ZNF407: variants seen among roughly 807,000 people sequenced by gnomAD.
ZNF407 encodes the protein zinc finger protein 407.
Under a neutral mutation model 131.2 loss-of-function variants are expected in ZNF407, and 17 were observed. The ratio of observed to expected loss-of-function variants is 0.13; its 90% CI spans 0.09 to 0.19. ZNF407 has a LOEUF of 0.19. Among genes scored for constraint, ZNF407 ranks in the 10% least tolerant of loss-of-function variants. ZNF407 has a pLI of 1.00. For synonymous variants in ZNF407, 1,156 were observed against 1,062.0 expected (o/e 1.09, Z -1.72); for missense variants, 2,681 against 2,830.6 (o/e 0.95, Z 1.20).
intron 8 of ZNF407, among the ~76,000 whole-genome samples, chr18:75,026,353 T>G (rs1973171125): frequency 6.6e-6 from 1 of 152,226 alleles, no homozygotes; most frequent in Non-Finnish European, 1.5e-5. Context: ...CAAAATCTTC[T>G]GAGTCATGGA....
chr18:74,781,030 G>T (rs1469768102), intron 3 of ZNF407, among the ~76,000 whole-genome samples: 3 of 151,892 alleles, frequency 2.0e-5, no homozygotes, highest in African/African-American at 7.3e-5. Context: ...CTCTTTTACG[G>T]TCCTTTAAAT....
At chr18:74,959,281 C>CTATTTAATTT (rs1427646993) in intron 8 of ZNF407, among the ~76,000 whole-genome samples, 2 of 152,062 alleles carry the variant, frequency 1.3e-5, no homozygotes, top group Non-Finnish European at 2.9e-5. Flanking sequence ...TAAATTAGAC[C>CTATTTAATTT]ATCATCATCA....
At chr18:74,719,561 G>A (rs1312591282) in intron 3 of ZNF407, among the ~76,000 whole-genome samples, 3 of 152,078 alleles carry the variant, frequency 2.0e-5, no homozygotes, top group Admixed American at 6.6e-5. Context: ...CACCACGCCC[G>A]GCTAATTTTT....
chr18:74,902,915 C>T (rs1035723198), intron 7 of ZNF407, among the ~76,000 whole-genome samples: 5 of 152,196 alleles, frequency 3.3e-5, no homozygotes, highest in African/African-American at 1.2e-4. Flanking sequence ...CACCTTCCCC[C>T]TCTACCTCTC....
At chr18:74,834,310 C>G (rs529189132) in intron 4 of ZNF407, among the ~76,000 whole-genome samples, 27 of 152,312 alleles carry the variant, frequency 1.8e-4, no homozygotes, top group Admixed American at 1.6e-3. Flanking sequence ...GGCCTTCTTG[C>G]AGCATGACCC....
At chr18:74,744,723 C>T in intron 3 of ZNF407, among the ~76,000 whole-genome samples, 1 of 152,030 alleles carries the variant, frequency 6.6e-6, no homozygotes, top group Non-Finnish European at 1.5e-5. Context: ...TGTTCATTGA[C>T]TGCCACAATG....
chr18:74,873,759 C>G (rs889006957), intron 4 of ZNF407, among the ~76,000 whole-genome samples: 2 of 151,698 alleles, frequency 1.3e-5, no homozygotes, highest in African/African-American at 4.8e-5. Flanking sequence ...AGAAGACTAA[C>G]TCGTAATTGA....
At chr18:74,762,060 A>G (rs1969108186) in intron 3 of ZNF407, among the ~76,000 whole-genome samples, 1 of 151,948 alleles carries the variant, frequency 6.6e-6, no homozygotes, top group East Asian at 1.9e-4. Context: ...TCTTTTAGTT[A>G]CCTTTTTGCT....
rs563582319 is a variant in ZNF407, at chr18:74,687,281, G to A, written c.4802+46159G>A. Among the ~76,000 whole-genome samples the A allele has an allele frequency of 1.9e-4, 29 of 152,296 alleles. 1 individual carries two copies. Among genetic ancestry groups the A allele is most frequent in the African/African-American group, 6.5e-4 (27 of 41,556 alleles). On this transcript the variant is annotated intron_variant, in intron 3 of 8. Coordinates refer to ENST00000299687, the MANE Select transcript of ZNF407 (RefSeq NM_017757.3). ...GAGGATCACTTGAACCTAGTATTTCGAGGATACAGTGAGCTATGATCACAT... is the reference window on the plus strand; with the variant it reads ...GAGGATCACTTGAACCTAGTATTTCAAGGATACAGTGAGCTATGATCACAT...
chr18:75,014,913 T>C (rs1474562434), intron 8 of ZNF407, among the ~76,000 whole-genome samples: 1 of 152,094 alleles, frequency 6.6e-6, no homozygotes, highest in East Asian at 1.9e-4. Flanking sequence ...TCATAGTAAT[T>C]TAAGAAACAT....
At chr18:74,947,198 T>G (rs1391172708) in intron 8 of ZNF407, among the ~76,000 whole-genome samples, 1 of 152,188 alleles carries the variant, frequency 6.6e-6, no homozygotes, top group Non-Finnish European at 1.5e-5. Context: ...AAAAGCAATT[T>G]TGTGGGGTTT....
At chr18:74,718,031 A>C (rs1424082908) in intron 3 of ZNF407, among the ~76,000 whole-genome samples, 1 of 152,118 alleles carries the variant, frequency 6.6e-6, no homozygotes, top group Non-Finnish European at 1.5e-5. Context: ...TCATTCATTC[A>C]ATTTTTTTTA....
intron 3 of ZNF407, among the ~76,000 whole-genome samples, chr18:74,647,260 T>A (rs553959644): frequency 1.3e-5 from 2 of 152,084 alleles, no homozygotes; most frequent in South Asian, 4.1e-4. Flanking sequence ...CTGAGCAACA[T>A]AGGGAGACCC....
intron 8 of ZNF407, among the ~76,000 whole-genome samples, chr18:75,030,226 T>C (rs1332893433): frequency 6.6e-6 from 1 of 152,200 alleles, no homozygotes; most frequent in Non-Finnish European, 1.5e-5. Context: ...GTCCATGAAC[T>C]TCACTGGATT....
At position 74,779,826 on chromosome 18, in the gene ZNF407, A is replaced by G. The variant is rs537668586; in HGVS notation, c.4803-1602A>G. Among the ~76,000 whole-genome samples the G allele has an allele frequency of 3.2e-4, 49 of 152,268 alleles. 1 individual carries two copies. The highest frequency in any genetic ancestry group is 1.1e-3 in the African/African-American group (46 of 41,564). On this transcript the variant is annotated intron_variant, in intron 3 of 8. Coordinates refer to ENST00000299687, the MANE Select transcript of ZNF407 (RefSeq NM_017757.3). Reference sequence around the variant, plus strand: ...TCTCTTAATTTGTACTTGGTCGTGTAAATAAGCTGTGCTTTGCAGCTTTGG... The same window carrying G: ...TCTCTTAATTTGTACTTGGTCGTGTGAATAAGCTGTGCTTTGCAGCTTTGG...
At chr18:74,960,180 A>G (rs1193195382) in intron 8 of ZNF407, among the ~76,000 whole-genome samples, 1 of 152,194 alleles carries the variant, frequency 6.6e-6, no homozygotes, top group Non-Finnish European at 1.5e-5. Context: ...GAGATGACAA[A>G]TGTAGAGGAC....
intron 4 of ZNF407, among the ~76,000 whole-genome samples, chr18:74,873,298 T>G (rs545687836): frequency 6.6e-6 from 1 of 152,176 alleles, no homozygotes; most frequent in South Asian, 2.1e-4. Context: ...AAATTTTCAG[T>G]CTAAAGATGT....
chr18:74,835,812 T>G (rs1459319799), intron 4 of ZNF407, among the ~76,000 whole-genome samples: 2 of 152,058 alleles, frequency 1.3e-5, no homozygotes, highest in Non-Finnish European at 2.9e-5. Context: ...ATTGTAAATA[T>G]GAAACTGAGG....
chr18:74,824,472 C>T (rs1970382354), intron 4 of ZNF407, among the ~76,000 whole-genome samples: 1 of 151,792 alleles, frequency 6.6e-6, no homozygotes, highest in Admixed American at 6.6e-5. Context: ...GCTAGCCTGA[C>T]TAATAAAGAA....
Sources: allele counts gnomAD v4.1 joint callset (sites outside exome capture counted in the v4.1 genomes callset), GRCh38; gene constraint gnomAD v4.1.1; transcripts MANE v1.5; gene names NCBI Gene and HGNC (gene_info 2026-07-23, HGNC 2026-07-21).